Variants in EXO1 observed in about 807,000 individuals in gnomAD.
EXO1 encodes the protein exonuclease 1.
Under a neutral mutation model 84.5 loss-of-function variants are expected in EXO1, and 69 were observed. The observed-to-expected ratio is 0.82, with a 90% CI of 0.67 to 1.00. EXO1 has a LOEUF of 1.00. Ranked by LOEUF, EXO1 falls within the 50% of genes least tolerant of loss-of-function variation. EXO1 has a pLI of 0.00. For synonymous variants in EXO1, 373 were observed against 366.1 expected (o/e 1.02, Z -0.21); for missense variants, 1,045 against 1,000.7 (o/e 1.04, Z -0.60).
chr1:241,860,236 T>C (rs541654166), intron 8 of EXO1, among the ~76,000 whole-genome samples: 1 of 152,346 alleles, frequency 6.6e-6, no homozygotes, highest in East Asian at 1.9e-4. Context: ...GAATGGATAA[T>C]GTATCTCAAA....
At position 241,889,654 on chromosome 1, in the gene EXO1, C is replaced by G; in HGVS notation, c.*54C>G. 1 of 1,587,092 alleles carries G rather than the reference C, an allele frequency of 6.3e-7. No individual in the cohort carries two copies. The highest frequency in any genetic ancestry group is 8.7e-7 in the Non-Finnish European group (1 of 1,155,970). ...CAAGAGAATCTGATCAATTTGAAGT[C>G]CCTGTTTGGGAATGAGGCACTTATC... On this transcript the variant is annotated 3_prime_UTR_variant, in exon 16 of 16. Transcript: ENST00000366548.
intron 15 of EXO1, among the ~76,000 whole-genome samples, chr1:241,886,822 G>C (rs1635486): frequency 0.49 from 74,216 of 151,460 alleles, 18,734 homozygotes; most frequent in Non-Finnish European, 0.56. Context: ...CCCCCAAAAG[G>C]TAAGAAAAGT....
At chr1:241,868,509 T>G (rs1252784639) in intron 11 of EXO1, among the ~76,000 whole-genome samples, 1 of 152,108 alleles carries the variant, frequency 6.6e-6, no homozygotes, top group South Asian at 2.1e-4. Context: ...CAAAAGAAAT[T>G]TTTTAAACAT....
intron 15 of EXO1, chr1:241,885,738 A>C (rs895406789): frequency 3.1e-5 from 15 of 482,842 alleles, no homozygotes; most frequent in African/African-American, 7.9e-5. Flanking sequence ...CTGGTTTTGG[A>C]GTCTCTCTGA....
chr1:241,852,292 G>C lies in EXO1; in HGVS notation c.162G>C (p.Arg54Ser). Residue 54 changes from arginine (R) to serine (S), a missense_variant and splice_region_variant, in exon 5 of 16, where the codon AGG (arginine) becomes AGC (serine). Transcript: ENST00000366548. Reference protein sequence around the residue: ...EKLAKGEPTDRYVGFCMKFVN... With the variant: ...EKLAKGEPTDSYVGFCMKFVN... The stretch of plus-strand genomic sequence containing the variant: ...TGAATGTTTTTCTTTTTTTCCATAG[G>C]TATGTAGGATTTTGTATGAAATTTG... The C allele has an allele frequency of 6.2e-7, 1 of 1,601,998 alleles. No individual in the cohort carries two copies. Among genetic ancestry groups the C allele is most frequent in the Non-Finnish European group, 8.5e-7 (1 of 1,170,728 alleles).
rs1558148648 is a variant in EXO1 at position 241,885,415 on chromosome 1, A to C, written c.2313A>C (p.Ala771=). The part of the protein sequence containing the change: ...ARASGLSKKP[A]SIQKRKHHNA... ...CCAGTGGGCTGAGCAAGAAGCCGGC[A>C]AGCATCCAGAAGAGAAAGCATCATA... The change falls in exon 15 of 16, where the codon GCA becomes GCC. Residue 771 remains alanine, a synonymous_variant. Transcript: ENST00000366548. The C allele has an allele frequency of 6.2e-7, 1 of 1,613,818 alleles. No homozygotes were observed. The highest frequency in any genetic ancestry group is 8.5e-7 in the Non-Finnish European group (1 of 1,179,882).
chr1:241,887,251 C>G (rs1663117273), intron 15 of EXO1, among the ~76,000 whole-genome samples: 1 of 152,168 alleles, frequency 6.6e-6, no homozygotes. Context: ...GTCCTCCTGC[C>G]TCAGCCTCTT....
Position 241,879,202 on chromosome 1 carries a change from C to T in EXO1, c.1968C>T (p.Ser656=), listed in dbSNP as rs768579029. 29 of 1,602,102 alleles carry T rather than the reference C, an allele frequency of 1.8e-5. No individual in the cohort carries two copies. The highest frequency in any genetic ancestry group is 3.3e-5 in the South Asian group (3 of 90,308). ...NNMSDVSQLK[S]EESSDDESHP... ...TGTCTGATGTGTCGCAGTTAAAGAG[C>T]GAGGAGTCCAGTGACGATGAGTCTC... Residue 656 remains serine (S), a synonymous_variant, in exon 13 of 16, where the codon AGC becomes AGT. Transcript: ENST00000366548.
intron 12 of EXO1, among the ~76,000 whole-genome samples, chr1:241,877,005 CTA>C (rs1662442095): frequency 6.6e-6 from 1 of 152,130 alleles, no homozygotes; most frequent in Non-Finnish European, 1.5e-5. Flanking sequence ...GCCATAATGC[CTA>C]GTCATTAATA....
intron 15 of EXO1, among the ~76,000 whole-genome samples, chr1:241,886,726 A>C (rs915408309): frequency 2.6e-5 from 4 of 152,234 alleles, no homozygotes; most frequent in African/African-American, 9.6e-5. Flanking sequence ...TAGACATTTT[A>C]AAATATCTAT....
At chr1:241,857,751 C>T (rs1006768032) in intron 7 of EXO1, among the ~76,000 whole-genome samples, 1 of 151,616 alleles carries the variant, frequency 6.6e-6, no homozygotes, top group East Asian at 1.9e-4. Context: ...CAAAGTAAGC[C>T]CTTAAGGTTG....
At chr1:241,884,647 CTG>C (rs71570908) in intron 14 of EXO1, among the ~76,000 whole-genome samples, 117 of 147,702 alleles carry the variant, frequency 7.9e-4, no homozygotes, top group Middle Eastern at 3.4e-3. Context: ...ACTATGCTGC[CTG>C]TGTGTGTGTG....
At position 241,878,805 on chromosome 1, in the gene EXO1, C is replaced by T. The variant is rs1310234295; in HGVS notation, c.1571C>T (p.Pro524Leu). ...DCVSNKVSIQ[P>L]LDETAVTDKE... is the part of the protein sequence containing the mutation. Reference sequence around the variant, plus strand: ...GTATCAAACAAAGTGAGCATCCAGCCTCTGGATGAAACTGCTGTCACAGAT... The same window carrying T: ...GTATCAAACAAAGTGAGCATCCAGCTTCTGGATGAAACTGCTGTCACAGAT... Residue 524 changes from proline (P) to leucine (L), a missense_variant, in exon 13 of 16, where the codon CCT (proline) becomes CTT (leucine). By Grantham distance (98) the Pro-to-Leu change is moderately conservative. Transcript: ENST00000366548. 1 of 1,613,618 alleles carries T rather than the reference C, an allele frequency of 6.2e-7. No homozygotes were observed. The highest frequency in any genetic ancestry group is 8.5e-7 in the Non-Finnish European group (1 of 1,179,750).
intron 12 of EXO1, among the ~76,000 whole-genome samples, chr1:241,872,618 T>G (rs1662181181): frequency 6.6e-6 from 1 of 152,210 alleles, no homozygotes; most frequent in Non-Finnish European, 1.5e-5. Flanking sequence ...GGTTTTCTGT[T>G]CGTGTATTAG....
chr1:241,852,466 T>C (rs1660728451), intron 5 of EXO1, 55 bp downstream of exon 5: 2 of 1,514,446 alleles, frequency 1.3e-6, no homozygotes, highest in South Asian at 1.1e-5. Context: ...TCAGACACTG[T>C]AGTCTATATG....
In EXO1 at chr1:241,850,556, A is replaced by T; in HGVS notation, c.131A>T (p.Glu44Val). The change falls in exon 4 of 16, where the codon GAA (glutamate) becomes GTA (valine). Residue 44 changes from glutamate (E) to valine (V), a missense_variant. Transcript: ENST00000366548. Reference protein sequence around the residue: ...WLHKGAIACAEKLAKGEPTDR... With the variant: ...WLHKGAIACAVKLAKGEPTDR... ...CACAAAGGAGCTATTGCTTGTGCTGAAAAACTAGCCAAAGGTGAACCTACT... is the reference window on the plus strand; with the variant it reads ...CACAAAGGAGCTATTGCTTGTGCTGTAAAACTAGCCAAAGGTGAACCTACT... The T allele has an allele frequency of 1.2e-6, 2 of 1,613,952 alleles. No individual in the cohort carries two copies. The highest frequency in any genetic ancestry group is 1.7e-6 in the Non-Finnish European group (2 of 1,179,904).
intron 15 of EXO1, among the ~76,000 whole-genome samples, chr1:241,887,779 C>T (rs1324105511): frequency 6.6e-6 from 1 of 152,132 alleles, no homozygotes. Context: ...GGTGGGATTA[C>T]AGGCGCCTGC....
rs779927405 is a variant in EXO1, at chr1:241,853,422, C to T, written c.346C>T (p.Arg116Ter). The change falls in exon 6 of 16, where the codon CGA becomes TGA. Residue 116 changes from arginine (R) to a stop codon, truncating the protein, a stop_gained. Transcript: ENST00000366548. LOFTEE classifies it high-confidence loss of function. ...LLREGKVSEARECFTRSINIT... is the reference protein window; with the variant it reads ...LLREGKVSEA ...TCGTGAGGGGAAAGTCTCGGAAGCT[C>T]GAGAGTGTTTCACCCGGTCTATCAA... 15 of 1,613,692 alleles carry T rather than the reference C, an allele frequency of 9.3e-6. No individual in the cohort carries two copies. Among genetic ancestry groups the T allele is most frequent in the Middle Eastern group, 3.3e-4 (2 of 6,084 alleles).
intron 10 of EXO1, 46 bp downstream of exon 10, chr1:241,861,548 C>T (rs370613345): frequency 1.8e-5 from 18 of 1,023,756 alleles, no homozygotes; most frequent in Middle Eastern, 4.1e-4. Context: ...TTAGTTATGT[C>T]CCGAGCTGTG....
Sources: allele counts gnomAD v4.1 joint callset (sites outside exome capture counted in the v4.1 genomes callset), GRCh38; gene constraint gnomAD v4.1.1; transcripts MANE v1.5; gene names NCBI Gene and HGNC (gene_info 2026-07-23, HGNC 2026-07-21).